POLA1: variants seen among roughly 807,000 people sequenced by gnomAD.
The protein encoded by POLA1 is DNA polymerase alpha catalytic subunit.
A neutral mutation model predicts 124.0 loss-of-function variants in POLA1; 15 were observed. The observed-to-expected ratio is 0.12, with a 90% confidence interval of 0.08 to 0.19. The LOEUF is 0.19. POLA1 is among the 10% of genes least tolerant of loss of function. The probability of loss-of-function intolerance (pLI) is 1.00; values close to 1 mark genes in which losing one functional copy is unlikely to be tolerated. For synonymous variants in POLA1, 408 were observed against 389.4 expected (o/e 1.05, Z -0.56); for missense variants, 886 against 1,103.4 (o/e 0.80, Z 2.79).
At chrX:24,785,949 A>C (rs1394094004) in intron 26 of POLA1, among the ~76,000 whole-genome samples, 1 of 112,642 alleles carries the variant, frequency 8.9e-6, no homozygotes, top group East Asian at 2.8e-4. Context: ...AAGTTACATC[A>C]TACAGCATTT....
chrX:24,947,469 C>T (rs1291471816), intron 36 of POLA1, among the ~76,000 whole-genome samples: 1 of 107,761 alleles, frequency 9.3e-6, no homozygotes, highest in East Asian at 2.9e-4. Flanking sequence ...CAAGGTTTTG[C>T]CATGTTGCTC....
At chrX:24,852,442 C>G (rs1316367209) in intron 34 of POLA1, among the ~76,000 whole-genome samples, 1 of 110,592 alleles carries the variant, frequency 9.0e-6, no homozygotes, top group Non-Finnish European at 1.9e-5. Context: ...TCCCAAGTAG[C>G]TAGGATTACA....
intron 18 of POLA1, 140 bp downstream of exon 18, chrX:24,735,628 T>C (rs1931224047): frequency 2.5e-6 from 1 of 395,813 alleles, no homozygotes. Context: ...TTGCTGCTAA[T>C]AGGAGAAAAA....
At chrX:24,979,661 A>G (rs2048400511) in intron 36 of POLA1, among the ~76,000 whole-genome samples, 2 of 112,373 alleles carry the variant, frequency 1.8e-5, no homozygotes, top group African/African-American at 6.5e-5. Context: ...AGAAATGTCA[A>G]AAGGCACATA....
chrX:24,742,481 T>C (rs1397383376), intron 22 of POLA1, among the ~76,000 whole-genome samples: 1 of 112,131 alleles, frequency 8.9e-6, no homozygotes, highest in East Asian at 2.8e-4. Flanking sequence ...AGCCTTTATT[T>C]TTGTGTTGCA....
Position 24,821,518 on chromosome X carries a change from T to C in POLA1, c.3496T>C (p.Trp1166Arg), listed in dbSNP as rs751115601. ...CCTACCTCATGTACATGTTGCCCTC[T>C]GGATAAATTCTCAAGGAGGCAGAAA... Reference protein sequence around the residue: ...KSLPHVHVALWINSQGGRKVK... With the variant: ...KSLPHVHVALRINSQGGRKVK... The change falls in exon 31 of 37, where the codon TGG (tryptophan) becomes CGG (arginine). Residue 1166 changes from tryptophan (W) to arginine (R), a missense_variant. Physicochemically the swap from Trp to Arg is moderately radical, Grantham distance 101. This residue lies in a region of POLA1 where 313 missense variants were observed against 359.7 expected (regional missense o/e 0.87). Coordinates refer to ENST00000379068, the MANE Select transcript of POLA1 (RefSeq NM_001330360.2). 6 of 1,199,914 alleles carry C rather than the reference T, an allele frequency of 5.0e-6. No individual in the cohort carries two copies. The highest frequency in any genetic ancestry group is 5.6e-6 in the Non-Finnish European group (5 of 885,932).
At position 24,714,572 on chromosome X, in the gene POLA1, G is replaced by A. The variant is rs748968830; in HGVS notation, c.365G>A (p.Arg122His). The part of the protein sequence containing the change: ...ADEKGKDGKA[R>H]NKDKRNVKKL... Reference sequence around the variant, plus strand: ...CCAATAGGAAAAGATGGTAAAGCACGCAATAAAGACAAGAGGAATGTAAAG... The same window carrying A: ...CCAATAGGAAAAGATGGTAAAGCACACAATAAAGACAAGAGGAATGTAAAG... The change falls in exon 5 of 37, where the codon CGC (arginine) becomes CAC (histidine). Residue 122 changes from arginine to histidine, a missense_variant. Arg to His is a conservative substitution (Grantham distance 29). Around this residue, in one of 7 missense-constraint regions of POLA1, gnomAD observed 337 missense variants for 402.8 expected, o/e 0.84. Coordinates refer to ENST00000379068, the MANE Select transcript of POLA1 (RefSeq NM_001330360.2). 1.2e-5 allele frequency: 14 copies of A among 1,180,099 alleles called. No individual in the cohort carries two copies. Among genetic ancestry groups the A allele is most frequent in the South Asian group, 1.9e-5 (1 of 53,447 alleles).
At chrX:24,969,547 A>T (rs1173366242) in intron 36 of POLA1, among the ~76,000 whole-genome samples, 2 of 110,557 alleles carry the variant, frequency 1.8e-5, no homozygotes, top group African/African-American at 6.6e-5. Context: ...TCTGATATTT[A>T]TATATGTAAT....
chrX:24,745,633 G>A lies in POLA1; in HGVS notation c.2691+91G>A. 4 of 612,872 alleles carry A rather than the reference G, an allele frequency of 6.5e-6. No individual in the cohort carries two copies. In the South Asian group the frequency reaches 1.1e-4, roughly 17 times the overall value. 50.5% of individuals were successfully genotyped at this position (612,872 alleles called of 1,213,427 possible). ...TGTCTTTTTAAAATAGTTTTATTGT[G>A]GTATTATTCATATACCATATACTTC... On this transcript the variant is annotated intron_variant, in intron 24 of 36. Transcript: ENST00000379068.
Position 24,727,830 on chromosome X carries a change from T to G in POLA1, c.1580T>G (p.Leu527Trp), listed in dbSNP as rs1375697274. Residue 527 changes from leucine (L) to tryptophan (W), a missense_variant, in exon 15 of 37, where the codon TTG becomes TGG. Transcript: ENST00000379068. ...VSWCKVEAMA[L>W]KPDLVNVIKD... The stretch of plus-strand genomic sequence containing the variant: ...TGGTGTAAAGTTGAGGCAATGGCTT[T>G]GAAACCAGACCTGGTGAATGTAATT... 8.3e-7 allele frequency: 1 copy of G among 1,208,593 alleles called. No individual in the cohort carries two copies. Among genetic ancestry groups the G allele is most frequent in the East Asian group, 3.0e-5 (1 of 33,856 alleles).
chrX:24,717,351 A>C lies in POLA1; in HGVS notation c.768A>C (p.Glu256Asp). The stretch of plus-strand genomic sequence containing the variant: ...AGGAGTCAGGGGCAATGGAGTTTGA[A>C]GATGGTGACTTTGATGAGCCCATGG... ...EEQESGAMEF[E>D]DGDFDEPMEV... Residue 256 changes from glutamate to aspartate, a missense_variant, in exon 9 of 37, where the codon GAA (glutamate) becomes GAC (aspartate). Glu to Asp is a conservative substitution (Grantham distance 45). This residue lies in a region of POLA1 where 337 missense variants were observed against 402.8 expected (regional missense o/e 0.84). Coordinates refer to ENST00000379068, the MANE Select transcript of POLA1 (RefSeq NM_001330360.2). 8.3e-7 allele frequency: 1 copy of C among 1,207,900 alleles called. No homozygotes were observed. Among genetic ancestry groups the C allele is most frequent in the East Asian group, 3.0e-5 (1 of 33,731 alleles).
At chrX:24,914,128 G>A (rs989961265) in intron 35 of POLA1, among the ~76,000 whole-genome samples, 2 of 110,609 alleles carry the variant, frequency 1.8e-5, no homozygotes, top group South Asian at 4.0e-4. Context: ...AGGCTGAGGC[G>A]GGAGGATCGC....
chrX:24,974,926 T>C (rs1463452551), intron 36 of POLA1, among the ~76,000 whole-genome samples: 1 of 112,692 alleles, frequency 8.9e-6, no homozygotes, highest in Non-Finnish European at 1.9e-5. Context: ...CTCGATAGTA[T>C]TTTGTCAAGT....
intron 35 of POLA1, among the ~76,000 whole-genome samples, chrX:24,891,782 T>C (rs2047145802): frequency 8.9e-6 from 1 of 112,034 alleles, no homozygotes; most frequent in South Asian, 3.7e-4. Flanking sequence ...ATTTTAACAT[T>C]ACACAGATTA....
chrX:24,782,181 T>A (rs778075555), intron 26 of POLA1, among the ~76,000 whole-genome samples: 1 of 112,089 alleles, frequency 8.9e-6, no homozygotes, highest in South Asian at 3.7e-4. Flanking sequence ...GAGAGATTAG[T>A]GCATTTTCTC....
chrX:24,854,261 G>A (rs2046609079), intron 34 of POLA1, among the ~76,000 whole-genome samples: 1 of 110,450 alleles, frequency 9.1e-6, no homozygotes, highest in South Asian at 4.0e-4. Context: ...GGCCAGGCTG[G>A]TCTTGAACTC....
intron 26 of POLA1, among the ~76,000 whole-genome samples, chrX:24,754,889 GT>G: frequency 8.9e-6 from 1 of 112,602 alleles, no homozygotes; most frequent in South Asian, 3.7e-4. Context: ...ATTCATTCAT[GT>G]TAACTATTGT....
chrX:24,947,927 A>G (rs778705001), intron 36 of POLA1, among the ~76,000 whole-genome samples: 1 of 112,350 alleles, frequency 8.9e-6, no homozygotes, highest in East Asian at 2.8e-4. Flanking sequence ...GCACGATATC[A>G]TTGTGGGAGA....
intron 26 of POLA1, chrX:24,788,469 C>T: frequency 8.4e-7 from 1 of 1,196,467 alleles, no homozygotes; most frequent in Middle Eastern, 3.2e-4. Flanking sequence ...TCCAGCATAT[C>T]TGTTCCGACT....
Sources: gnomAD v4.1 joint callset for allele counts (sites outside exome capture counted in the v4.1 genomes callset) on GRCh38, gnomAD v4.1.1 for gene constraint, gnomAD v4.1.1 regional missense constraint, MANE v1.5 for transcripts, NCBI Gene and HGNC (gene_info 2026-07-23, HGNC 2026-07-21) for gene names.